The following TDRD10 variants were observed in gnomAD, a reference collection of about 807,000 sequenced individuals.
TDRD10 encodes tudor domain containing 10, also known as tudor domain-containing protein 10.
A neutral mutation model predicts 48.0 loss-of-function variants in TDRD10; 40 were observed. The observed-to-expected ratio is 0.83, with a 90% confidence interval of 0.65 to 1.09. TDRD10 has a LOEUF of 1.09. Ranked by LOEUF, TDRD10 falls within the 50% of genes least tolerant of loss-of-function variation. The pLI is 0.00. For synonymous variants in TDRD10, 162 were observed against 170.4 expected (o/e 0.95, Z 0.38); for missense variants, 378 against 434.7 (o/e 0.87, Z 1.16).
chr1:154,539,859 T>G (rs1451343772), intron 6 of TDRD10, among the ~76,000 whole-genome samples: 1 of 152,092 alleles, frequency 6.6e-6, no homozygotes, highest in Non-Finnish European at 1.5e-5. Flanking sequence ...AGAGGTCACT[T>G]CTTTAGATGG....
In TDRD10 at chr1:154,521,385, G is replaced by A; in HGVS notation, c.275G>A (p.Gly92Asp). 6.2e-7 allele frequency: 1 copy of A among 1,614,166 alleles called. No homozygotes were observed. The highest frequency in any genetic ancestry group is 8.5e-7 in the Non-Finnish European group (1 of 1,180,022). The change falls in exon 6 of 13, where the codon GGT becomes GAT. Residue 92 changes from glycine (G) to aspartate (D), a missense_variant. Transcript: ENST00000368482. ...ACACTTGCAATCCAGGAGCTGAATG[G>A]TAAACTCTTCCACAAGCGAAAACTG... ...KVTLAIQELN[G>D]KLFHKRKLFV...
chr1:154,542,854 A>G, intron 8 of TDRD10, 33 bp downstream of exon 8: 1 of 1,567,666 alleles, frequency 6.4e-7, no homozygotes, highest in Non-Finnish European at 8.8e-7. Flanking sequence ...ACCAGGGCAA[A>G]TGGCGATTAC....
In TDRD10 at chr1:154,544,441, G is replaced by C; in HGVS notation, c.721G>C (p.Glu241Gln). 1 of 1,611,590 alleles carries C rather than the reference G, an allele frequency of 6.2e-7. No homozygotes were observed. ...AQAEEQQPYLEGSTVMRGTRC... is the reference protein window; with the variant it reads ...AQAEEQQPYLQGSTVMRGTRC... ...GGCGGAGGAGCAGCAGCCCTACCTGGAGGGCTCCACCGTTATGCGCGGGAC... is the reference window on the plus strand; with the variant it reads ...GGCGGAGGAGCAGCAGCCCTACCTGCAGGGCTCCACCGTTATGCGCGGGAC... Residue 241 changes from glutamate to glutamine, a missense_variant, in exon 10 of 13, where the codon GAG (glutamate) becomes CAG (glutamine). Coordinates refer to ENST00000368482, the MANE Select transcript of TDRD10 (RefSeq NM_182499.4).
chr1:154,524,554 A>C (rs770744586), intron 6 of TDRD10, among the ~76,000 whole-genome samples: 6 of 152,116 alleles, frequency 3.9e-5, no homozygotes, highest in Non-Finnish European at 7.4e-5. Flanking sequence ...ATGGTGTTGA[A>C]ATTTTTCTAG....
At chr1:154,543,348 C>T (rs1295806883) in intron 8 of TDRD10, among the ~76,000 whole-genome samples, 1 of 152,118 alleles carries the variant, frequency 6.6e-6, no homozygotes, top group Non-Finnish European at 1.5e-5. Flanking sequence ...TGTGACCGTC[C>T]CCTGCCCTGG....
intron 6 of TDRD10, among the ~76,000 whole-genome samples, chr1:154,535,428 G>A (rs1694872001): frequency 1.3e-5 from 2 of 151,708 alleles, no homozygotes; most frequent in South Asian, 4.1e-4. Context: ...GTGTGTACCT[G>A]TAATCCCAGT....
At chr1:154,541,921 C>A in intron 6 of TDRD10, 103 bp from the exon 7 acceptor site, 2 of 1,156,184 alleles carry the variant, frequency 1.7e-6, no homozygotes, top group Non-Finnish European at 1.3e-6. Flanking sequence ...AGAACAGGGG[C>A]TGCCGATGCT....
chr1:154,520,096 A>C (rs1430998291), intron 4 of TDRD10, among the ~76,000 whole-genome samples: 1 of 152,182 alleles, frequency 6.6e-6, no homozygotes, highest in African/African-American at 2.4e-5. Context: ...TCTTGTCTGC[A>C]TCGCTGCTTG....
At chr1:154,536,933 G>A (rs1210369661) in intron 6 of TDRD10, among the ~76,000 whole-genome samples, 1 of 152,140 alleles carries the variant, frequency 6.6e-6, no homozygotes, top group East Asian at 1.9e-4. Context: ...GGACCCTTTA[G>A]AACCCACTGG....
Position 154,547,895 on chromosome 1 carries a change from G to T in TDRD10, c.*185G>T, listed in dbSNP as rs1695695584. 1.5e-6 allele frequency: 1 copy of T among 661,624 alleles called. No homozygotes were observed. The highest frequency in any genetic ancestry group is 2.6e-6 in the Non-Finnish European group (1 of 386,114). The allele number at this position is 661,624 out of a possible 1,614,324, so 41.0% of individuals were successfully genotyped here. ...CTCAAAAGAGAGTGAAGTCTCATTT[G>T]TCATGTGTCTTCAGTTCCCCAACTT... On this transcript the variant is annotated 3_prime_UTR_variant, in exon 13 of 13. Coordinates refer to ENST00000368482, the MANE Select transcript of TDRD10 (RefSeq NM_182499.4).
At chr1:154,539,068 T>C (rs1200572597) in intron 6 of TDRD10, among the ~76,000 whole-genome samples, 1 of 152,162 alleles carries the variant, frequency 6.6e-6, no homozygotes, top group Non-Finnish European at 1.5e-5. Flanking sequence ...CACCCAGACT[T>C]AAGCAGCCAA....
In TDRD10 at chr1:154,547,455, A is replaced by G. The variant is rs991954992; in HGVS notation, c.999A>G (p.Lys333=). The G allele has an allele frequency of 1.2e-6, 2 of 1,614,218 alleles. No homozygotes were observed. Among genetic ancestry groups the G allele is most frequent in the Non-Finnish European group, 1.7e-6 (2 of 1,180,046 alleles). The change falls in exon 12 of 13, where the codon AAA becomes AAG. Residue 333 remains lysine (K), a synonymous_variant. Transcript: ENST00000368482. ...TTGTCCATCGAATCCTCAAAGGGAA[A>G]ATCACTGGTGCTTTGAACTCGGCGG... The part of the protein sequence containing the change: ...YEVVHRILKG[K]ITGALNSALH...
intron 6 of TDRD10, among the ~76,000 whole-genome samples, chr1:154,538,251 G>C (rs1222744058): frequency 6.6e-6 from 1 of 152,152 alleles, no homozygotes; most frequent in African/African-American, 2.4e-5. Context: ...TTGGTATTTA[G>C]AACTGCCTTA....
At position 154,544,099 on chromosome 1, in the gene TDRD10, CA is replaced by C; in HGVS notation, c.641del (p.His214ProfsTer85). 6.2e-7 allele frequency: 1 copy of C among 1,614,144 alleles called. No individual in the cohort carries two copies. On this transcript the variant is annotated frameshift_variant, in exon 9 of 13. Transcript: ENST00000368482. LOFTEE classifies it high-confidence loss of function. Reference protein sequence around the residue: ...VPKTPFFWAMHVTEALHQNMQ... With the variant: ...VPKTPFFWAMXVTEALHQNMQ... ...GAAGACCCCGTTTTTCTGGGCTATG[CA>C]CGTCACTGAGGTATGGACTGGTTGT...
chr1:154,514,473 C>T (rs1167907721), intron 4 of TDRD10, among the ~76,000 whole-genome samples: 2 of 152,086 alleles, frequency 1.3e-5, no homozygotes, highest in Non-Finnish European at 2.9e-5. Context: ...ACAGGGGAAA[C>T]ACACGGAATG....
chr1:154,535,166 A>G (rs983417699), intron 6 of TDRD10, among the ~76,000 whole-genome samples: 3 of 152,164 alleles, frequency 2.0e-5, no homozygotes, highest in Admixed American at 2.0e-4. Context: ...CAGGAGTTTG[A>G]GACCAGCCTG....
At chr1:154,540,270 A>G (rs1198634443) in intron 6 of TDRD10, among the ~76,000 whole-genome samples, 1 of 152,032 alleles carries the variant, frequency 6.6e-6, no homozygotes, top group African/African-American at 2.4e-5. Context: ...ACAGAGAAAA[A>G]TGTTCATGGG....
chr1:154,545,251 G>T lies in TDRD10; in HGVS notation c.952+302G>T, dbSNP rs548793063. On this transcript the variant is annotated intron_variant, in intron 11 of 12. Coordinates refer to ENST00000368482, the MANE Select transcript of TDRD10 (RefSeq NM_182499.4). ...CCCCTGCTTCCACCAGAGCTGCTCA[G>T]CTTTCATCTGTTTTACATACTTGGC... 2.0e-5 allele frequency among the ~76,000 whole-genome samples: 3 copies of T among 152,342 alleles called. No individual in the cohort carries two copies. In the East Asian group the frequency reaches 5.8e-4, roughly 29 times the overall value.
chr1:154,537,644 G>A (rs1694990754), intron 6 of TDRD10, among the ~76,000 whole-genome samples: 1 of 152,184 alleles, frequency 6.6e-6, no homozygotes, highest in African/African-American at 2.4e-5. Context: ...TGTTCTGGGT[G>A]TCATGAGGCT....
Sources: allele counts gnomAD v4.1 joint callset (sites outside exome capture counted in the v4.1 genomes callset), GRCh38; gene constraint gnomAD v4.1.1; transcripts MANE v1.5; gene names NCBI Gene and HGNC (gene_info 2026-07-23, HGNC 2026-07-21).